GBE1: variants seen among roughly 807,000 people sequenced by gnomAD.
GBE1 encodes the protein 1,4-alpha-glucan branching enzyme 1.
In GBE1, 70 loss-of-function variants were observed where a neutral mutation model predicts 88.8. That is an observed-to-expected ratio of 0.79 (90% CI 0.65 to 0.96). The LOEUF (loss-of-function observed/expected upper bound fraction) is 0.96. Among genes scored for constraint, GBE1 ranks in the 40% least tolerant of loss-of-function variants. The pLI is 0.00. For missense variants in GBE1, 872 were observed against 871.0 expected, an observed-to-expected ratio of 1.00 and a Z score of -0.01; for synonymous variants, 284 against 300.1, an observed-to-expected ratio of 0.95 and a Z score of 0.56.
At chr3:81,695,806 T>C (rs1705582525) in intron 2 of GBE1, among the ~76,000 whole-genome samples, 1 of 152,202 alleles carries the variant, frequency 6.6e-6, no homozygotes, top group African/African-American at 2.4e-5. Context: ...AGGTCATTCC[T>C]TCTTGCTGAA....
Position 81,733,164 on chromosome 3 carries a change from A to G in GBE1, c.144-27551T>C, listed in dbSNP as rs1706211692. ...AGATCAGCGGTGGCATTAGATTCCC[A>G]TAGCAGAATCTAACAGGGTTCACAT... is the stretch of plus-strand genomic sequence containing the variant. On this transcript the variant is annotated intron_variant, in intron 1 of 15. Coordinates refer to ENST00000429644, the MANE Select transcript of GBE1 (RefSeq NM_000158.4). This position sits in a 1 kb window ranked among gnomAD's most constrained non-coding sequence, Gnocchi z 4.0. Among the ~76,000 whole-genome samples the G allele has an allele frequency of 6.6e-6, 1 of 152,090 alleles. No homozygotes were observed. The highest frequency in any genetic ancestry group is 2.4e-5 in the African/African-American group (1 of 41,416).
chr3:81,498,300 T>C (rs547689406), intron 15 of GBE1, among the ~76,000 whole-genome samples: 1 of 152,200 alleles, frequency 6.6e-6, no homozygotes, highest in South Asian at 2.1e-4. Flanking sequence ...CATGCCTGAC[T>C]CCTATCTAAA....
intron 1 of GBE1, among the ~76,000 whole-genome samples, chr3:81,720,498 T>C (rs1448464725): frequency 6.6e-6 from 1 of 152,072 alleles, no homozygotes; most frequent in Non-Finnish European, 1.5e-5. Flanking sequence ...ATTGTGTGCA[T>C]GTCTCAATTT....
At chr3:81,706,805 A>G (rs1373244461) in intron 1 of GBE1, among the ~76,000 whole-genome samples, 1 of 152,184 alleles carries the variant, frequency 6.6e-6, no homozygotes, top group Non-Finnish European at 1.5e-5. Context: ...AAAAGACTGC[A>G]GACTTAAGGA....
chr3:81,532,509 C>A (rs967952313), intron 14 of GBE1, among the ~76,000 whole-genome samples: 1 of 151,996 alleles, frequency 6.6e-6, no homozygotes, highest in African/African-American at 2.4e-5. Flanking sequence ...TACTTTAGTT[C>A]ATGCCCTAAT....
intron 1 of GBE1, among the ~76,000 whole-genome samples, chr3:81,713,645 A>T (rs915191884): frequency 6.6e-6 from 1 of 152,206 alleles, no homozygotes; most frequent in African/African-American, 2.4e-5. Context: ...AGAATTTTTT[A>T]AATGACATCA....
intron 11 of GBE1, 107 bp from the exon 12 acceptor site, chr3:81,578,203 G>A (rs1471465678): frequency 4.0e-6 from 3 of 747,818 alleles, no homozygotes; most frequent in Non-Finnish European, 6.2e-6. Context: ...CATCGTAGAA[G>A]AGGTGTGTAG....
intron 12 of GBE1, among the ~76,000 whole-genome samples, chr3:81,538,058 T>C (rs1229987913): frequency 6.6e-6 from 1 of 151,958 alleles, no homozygotes; most frequent in East Asian, 1.9e-4. Context: ...TAAATGCTAC[T>C]TTCCAAACTT....
rs973881190 is a variant in GBE1, at chr3:81,692,748, T to C, written c.313+12696A>G. On this transcript the variant is annotated intron_variant, in intron 2 of 15. Coordinates refer to ENST00000429644, the MANE Select transcript of GBE1 (RefSeq NM_000158.4). ...GAATACAAGTTAAATACAAACTAAC[T>C]ATAAATTTAATTTTTTAAACCTATT... Among the ~76,000 whole-genome samples the C allele has an allele frequency of 3.9e-5, 6 of 152,216 alleles. No homozygotes were observed. The South Asian group carries it at 6.2e-4, about 16-fold the overall frequency.
chr3:81,503,964 A>C (rs1702622920), intron 14 of GBE1, among the ~76,000 whole-genome samples: 1 of 152,148 alleles, frequency 6.6e-6, no homozygotes. Flanking sequence ...CTCATGGCAG[A>C]AGGAGAAGGG....
intron 7 of GBE1, among the ~76,000 whole-genome samples, chr3:81,637,149 A>C (rs1704603128): frequency 6.6e-6 from 1 of 152,176 alleles, no homozygotes; most frequent in African/African-American, 2.4e-5. Flanking sequence ...TACTGTAATA[A>C]AATTTATGTG....
intron 2 of GBE1, among the ~76,000 whole-genome samples, chr3:81,671,763 C>A (rs1705194431): frequency 6.6e-6 from 1 of 152,006 alleles, no homozygotes; most frequent in African/African-American, 2.4e-5. Flanking sequence ...ATAAAAGGTT[C>A]TTTAAGTAAA....
chr3:81,677,928 G>A (rs1319676945), intron 2 of GBE1, among the ~76,000 whole-genome samples: 1 of 152,130 alleles, frequency 6.6e-6, no homozygotes, highest in African/African-American at 2.4e-5. Context: ...AGAACCAATG[G>A]AATACTAATA....
At chr3:81,670,492 T>A (rs555789122) in intron 3 of GBE1, among the ~76,000 whole-genome samples, 1 of 152,202 alleles carries the variant, frequency 6.6e-6, no homozygotes, top group African/African-American at 2.4e-5. Context: ...CCTCTCTACA[T>A]TGGCTGATTT....
intron 2 of GBE1, among the ~76,000 whole-genome samples, chr3:81,704,574 A>G (rs1286212728): frequency 1.3e-5 from 2 of 152,100 alleles, no homozygotes; most frequent in Non-Finnish European, 2.9e-5. Flanking sequence ...TAAAAATTGA[A>G]TAACACAGCA....
chr3:81,548,397 C>T (rs1386268354), intron 12 of GBE1, among the ~76,000 whole-genome samples: 1 of 151,314 alleles, frequency 6.6e-6, no homozygotes, highest in Non-Finnish European at 1.5e-5. Context: ...AAAAATCATA[C>T]AGGAAGCACT....
At chr3:81,761,348 GT>G (rs781595791) in intron 1 of GBE1, 26 bp downstream of exon 1, 1 of 1,595,816 alleles carries the variant, frequency 6.3e-7, no homozygotes, top group Non-Finnish European at 8.6e-7. Flanking sequence ...GCCTGTCTAA[GT>G]GGGGGTGGTG....
chr3:81,641,526 G>A (rs1378472407), intron 7 of GBE1, among the ~76,000 whole-genome samples: 1 of 152,008 alleles, frequency 6.6e-6, no homozygotes, highest in Non-Finnish European at 1.5e-5. Context: ...AACTATATTA[G>A]TCCCCAAACT....
intron 7 of GBE1, among the ~76,000 whole-genome samples, chr3:81,639,282 T>A (rs974513224): frequency 6.6e-6 from 1 of 152,086 alleles, no homozygotes; most frequent in Non-Finnish European, 1.5e-5. Flanking sequence ...TTATTTTGAA[T>A]TTTGTGTGCC....
Sources: gnomAD v4.1 joint callset for allele counts (sites outside exome capture counted in the v4.1 genomes callset) on GRCh38, gnomAD v4.1.1 for gene constraint, Gnocchi (gnomAD v3.1) non-coding constraint, MANE v1.5 for transcripts, NCBI Gene and HGNC (gene_info 2026-07-23, HGNC 2026-07-21) for gene names.